The following RERE variants were observed in gnomAD, a reference collection of about 807,000 sequenced individuals.
RERE encodes the protein arginine-glutamic acid dipeptide repeats protein.
In RERE, 40 loss-of-function variants were observed where a neutral mutation model predicts 146.1. That is an observed-to-expected ratio of 0.27 (90% CI 0.21 to 0.36). The LOEUF is 0.36. Ranked by LOEUF, RERE falls within the 10% of genes least tolerant of loss-of-function variation. RERE has a pLI of 1.00. For missense variants in RERE, 1,933 were observed against 2,138.7 expected, an observed-to-expected ratio of 0.90 and a Z score of 1.90; for synonymous variants, 1,003 against 866.0, an observed-to-expected ratio of 1.16 and a Z score of -2.78.
At chr1:8,630,212 G>A (rs1017958246) in intron 2 of RERE, among the ~76,000 whole-genome samples, 10 of 152,028 alleles carry the variant, frequency 6.6e-5, no homozygotes, top group East Asian at 1.9e-4. Flanking sequence ...CTGAAATCCC[G>A]GTACCCAAAT....
At chr1:8,369,154 A>G (rs796994444) in intron 12 of RERE, among the ~76,000 whole-genome samples, 30 of 152,182 alleles carry the variant, frequency 2.0e-4, no homozygotes, top group African/African-American at 7.2e-4. Context: ...TGAGCTACAA[A>G]TGTGCCACCG....
At chr1:8,396,082 G>A (rs1570135264) in intron 12 of RERE, among the ~76,000 whole-genome samples, 1 of 152,192 alleles carries the variant, frequency 6.6e-6, no homozygotes, top group Non-Finnish European at 1.5e-5. Flanking sequence ...CTTCAAGCCA[G>A]GGCTAAGAGC....
chr1:8,811,157 T>C (rs1641799458), intron 1 of RERE, among the ~76,000 whole-genome samples: 1 of 152,080 alleles, frequency 6.6e-6, no homozygotes, highest in South Asian at 2.1e-4. Flanking sequence ...CCAGAGAACA[T>C]TTCCAGTGCC....
At chr1:8,536,555 G>A (rs1170746380) in intron 7 of RERE, among the ~76,000 whole-genome samples, 2 of 152,112 alleles carry the variant, frequency 1.3e-5, no homozygotes, top group African/African-American at 4.8e-5. Context: ...TGCACCTAAG[G>A]CCTCCTAACT....
At chr1:8,796,098 T>C (rs972171626) in intron 1 of RERE, among the ~76,000 whole-genome samples, 2 of 152,108 alleles carry the variant, frequency 1.3e-5, no homozygotes, top group Non-Finnish European at 2.9e-5. Context: ...TATCCCTTAG[T>C]AAAATATTGT....
intron 1 of RERE, among the ~76,000 whole-genome samples, chr1:8,709,627 G>A (rs1639627782): frequency 6.6e-6 from 1 of 152,172 alleles, no homozygotes; most frequent in South Asian, 2.1e-4. Context: ...TATACAGCAA[G>A]TCACTTCTCT....
At chr1:8,530,555 G>A (rs1361431683) in intron 7 of RERE, among the ~76,000 whole-genome samples, 3 of 152,054 alleles carry the variant, frequency 2.0e-5, no homozygotes, top group Non-Finnish European at 2.9e-5. Context: ...GAAAAAGTTT[G>A]GAAGAGATAT....
intron 12 of RERE, among the ~76,000 whole-genome samples, chr1:8,370,274 T>C (rs1204955859): frequency 1.3e-5 from 2 of 151,160 alleles, no homozygotes; most frequent in African/African-American, 2.4e-5. Flanking sequence ...CGGTGGGTGC[T>C]GCGTGAGTCC....
At position 8,441,453 on chromosome 1, in the gene RERE, A is replaced by C. The variant is rs111662440; in HGVS notation, c.1204-18646T>G. 8.0e-3 allele frequency among the ~76,000 whole-genome samples: 1,214 copies of C among 152,216 alleles called. 11 individuals are homozygous for C. The highest frequency in any genetic ancestry group is 0.028 in the African/African-American group (1,160 of 41,508). ...GAAGGCTACCAGGCAGCACTGCCCC[A>C]GGGGCACTGAACAAGGGGACAATTT... On this transcript the variant is annotated intron_variant, in intron 11 of 22. Transcript: ENST00000400908.
chr1:8,472,199 G>A (rs1308603780), intron 10 of RERE, among the ~76,000 whole-genome samples: 2 of 152,108 alleles, frequency 1.3e-5, no homozygotes, highest in Admixed American at 6.5e-5. Flanking sequence ...AAGTAGAATT[G>A]GTAAATTTAT....
At chr1:8,458,106 G>A (rs939735330) in intron 11 of RERE, among the ~76,000 whole-genome samples, 1 of 151,994 alleles carries the variant, frequency 6.6e-6, no homozygotes, top group East Asian at 1.9e-4. Flanking sequence ...CTAAGCACAC[G>A]CATTAAAACT....
At chr1:8,442,435 GCTC>G (rs907060150) in intron 11 of RERE, among the ~76,000 whole-genome samples, 15 of 149,978 alleles carry the variant, frequency 1.0e-4, no homozygotes, top group Non-Finnish European at 1.9e-4. Context: ...GATAGTTCTT[GCTC>G]CTCCTTTCAT....
At chr1:8,482,993 G>C (rs1292165955) in intron 10 of RERE, among the ~76,000 whole-genome samples, 1 of 152,202 alleles carries the variant, frequency 6.6e-6, no homozygotes, top group Non-Finnish European at 1.5e-5. Context: ...ATGATTAACA[G>C]CACAACTTTC....
intron 7 of RERE, among the ~76,000 whole-genome samples, chr1:8,537,656 C>G (rs1292034066): frequency 6.6e-6 from 1 of 152,054 alleles, no homozygotes. Flanking sequence ...TAAGTTTATA[C>G]CTAATAATAA....
At chr1:8,671,562 C>T (rs751575695) in intron 1 of RERE, among the ~76,000 whole-genome samples, 13 of 152,054 alleles carry the variant, frequency 8.5e-5, no homozygotes, top group East Asian at 3.9e-4. Context: ...TCTGGGCTAA[C>T]GAATTAAGGA....
intron 10 of RERE, among the ~76,000 whole-genome samples, chr1:8,477,761 G>A (rs185070494): frequency 6.6e-6 from 1 of 152,260 alleles, no homozygotes; most frequent in Admixed American, 6.5e-5. Flanking sequence ...CAATCCAAGG[G>A]CTCAGCAGTC....
chr1:8,676,600 A>T (rs1209244614), intron 1 of RERE, among the ~76,000 whole-genome samples: 2 of 152,356 alleles, frequency 1.3e-5, no homozygotes, highest in East Asian at 3.9e-4. Flanking sequence ...AGAGACTCTT[A>T]ATGCCTAAAA....
In RERE at chr1:8,548,801, G is replaced by A. The variant is rs754432458; in HGVS notation, c.726-7483C>T. Among the ~76,000 whole-genome samples, 81 of 152,184 alleles carry A rather than the reference G, an allele frequency of 5.3e-4. 1 individual carries two copies. Among genetic ancestry groups the A allele is most frequent in the Admixed American group, 5.9e-4 (9 of 15,288 alleles). On this transcript the variant is annotated intron_variant, in intron 6 of 22. Transcript: ENST00000400908. The stretch of plus-strand genomic sequence containing the variant: ...AGCTCAAGACCAACCTGGCCAAGAT[G>A]GTGAAACCCCATCTCTACTAAAAAT...
intron 10 of RERE, among the ~76,000 whole-genome samples, chr1:8,486,766 A>AG (rs892702965): frequency 9.3e-5 from 14 of 150,686 alleles, no homozygotes; most frequent in African/African-American, 3.4e-4. Context: ...AAAAAAAAAA[A>AG]AAAAAAGAAA....
Sources: allele counts gnomAD v4.1 joint callset (sites outside exome capture counted in the v4.1 genomes callset), GRCh38; gene constraint gnomAD v4.1.1; transcripts MANE v1.5; gene names NCBI Gene and HGNC (gene_info 2026-07-23, HGNC 2026-07-21).